The following C1orf21 variants were observed in gnomAD, a reference collection of about 807,000 sequenced individuals.
C1orf21 encodes chromosome 1 open reading frame 21.
C1orf21 carries 3 observed loss-of-function variants against 18.7 expected under a neutral mutation model. That is an observed-to-expected ratio of 0.16 (90% CI 0.07 to 0.42). C1orf21 has a LOEUF of 0.42. Ranked by LOEUF, C1orf21 falls within the 10% of genes least tolerant of loss-of-function variation. The pLI, the probability that C1orf21 is intolerant of heterozygous loss-of-function variation, is 0.99. For missense variants in C1orf21, 104 were observed against 143.6 expected (o/e 0.72, Z 1.41); for synonymous variants, 41 against 46.4 (o/e 0.88, Z 0.47).
At chr1:184,594,132 T>C (rs1659482629) in intron 4 of C1orf21, among the ~76,000 whole-genome samples, 1 of 152,112 alleles carries the variant, frequency 6.6e-6, no homozygotes. Context: ...AAAAAATAAT[T>C]AACAAAATAA....
chr1:184,417,401 G>A (rs1016266931), intron 1 of C1orf21, among the ~76,000 whole-genome samples: 2 of 152,128 alleles, frequency 1.3e-5, no homozygotes, highest in African/African-American at 4.8e-5. Context: ...GAGTAGCTAC[G>A]GAATGCTTGT....
intron 2 of C1orf21, among the ~76,000 whole-genome samples, chr1:184,479,507 C>T (rs1343814599): frequency 2.0e-5 from 3 of 151,990 alleles, no homozygotes; most frequent in South Asian, 2.1e-4. Flanking sequence ...ACGGACTTGT[C>T]CGAGGTTACC....
chr1:184,484,884 CTGTGTGTG>C (rs3034460), intron 2 of C1orf21, among the ~76,000 whole-genome samples: 32,114 of 145,946 alleles, frequency 0.22, 3,546 homozygotes, highest in Admixed American at 0.31. Flanking sequence ...ATGCTTGTGG[CTGTGTGTG>C]TGTGTGTGTG....
chr1:184,425,267 CTT>C (rs34302683), intron 1 of C1orf21, among the ~76,000 whole-genome samples: 1 of 144,336 alleles, frequency 6.9e-6, no homozygotes, highest in Non-Finnish European at 1.5e-5. Context: ...ATCCTGATAT[CTT>C]TTTTTTTTTT....
intron 1 of C1orf21, among the ~76,000 whole-genome samples, chr1:184,458,014 A>G (rs1657247256): frequency 6.6e-6 from 1 of 152,152 alleles, no homozygotes; most frequent in Admixed American, 6.5e-5. Flanking sequence ...TACCCATTTT[A>G]TAAAAGAGGA....
chr1:184,608,441 A>G (rs1659681975), intron 5 of C1orf21, among the ~76,000 whole-genome samples: 1 of 152,218 alleles, frequency 6.6e-6, no homozygotes. Context: ...GCCCTGCTCT[A>G]GGTCACCTGA....
intron 2 of C1orf21, among the ~76,000 whole-genome samples, chr1:184,487,623 C>T (rs929535043): frequency 4.6e-5 from 7 of 152,184 alleles, no homozygotes; most frequent in African/African-American, 1.7e-4. Flanking sequence ...AGGTCAGACT[C>T]AGTTTTTAAA....
chr1:184,453,419 C>T (rs10489722), intron 1 of C1orf21, among the ~76,000 whole-genome samples: 22,431 of 152,012 alleles, frequency 0.15, 1,708 homozygotes, highest in Middle Eastern at 0.2. Context: ...GAAGTACTGA[C>T]GAATATACAA....
chr1:184,516,965 C>T (rs1658239680), intron 3 of C1orf21, among the ~76,000 whole-genome samples: 1 of 152,160 alleles, frequency 6.6e-6, no homozygotes. Flanking sequence ...CCCTGATCCG[C>T]AGAATAAGCT....
intron 1 of C1orf21, among the ~76,000 whole-genome samples, chr1:184,430,067 A>C (rs1419864632): frequency 7.1e-6 from 1 of 140,948 alleles, no homozygotes; most frequent in African/African-American, 2.7e-5. Context: ...AGCCGAGATC[A>C]CCCCACTGCA....
chr1:184,466,819 A>G (rs1284627417), intron 1 of C1orf21, among the ~76,000 whole-genome samples: 2 of 152,188 alleles, frequency 1.3e-5, no homozygotes. Flanking sequence ...TGGACATTAC[A>G]GTCTAGTTGT....
intron 1 of C1orf21, among the ~76,000 whole-genome samples, chr1:184,446,875 C>T (rs1657043178): frequency 7.5e-6 from 1 of 133,674 alleles, no homozygotes; most frequent in Non-Finnish European, 1.5e-5. Context: ...TTTTTGGAGA[C>T]AGGTACTGAT....
At chr1:184,578,440 T>C (rs1659225805) in intron 3 of C1orf21, among the ~76,000 whole-genome samples, 1 of 152,218 alleles carries the variant, frequency 6.6e-6, no homozygotes, top group Non-Finnish European at 1.5e-5. Context: ...TAGGGTTGTA[T>C]GTATGCAGCT....
At chr1:184,485,622 C>T (rs1242465866) in intron 2 of C1orf21, among the ~76,000 whole-genome samples, 1 of 151,740 alleles carries the variant, frequency 6.6e-6, no homozygotes, top group Non-Finnish European at 1.5e-5. Context: ...TAGGTGTGTA[C>T]ACTCAGCCTT....
intron 2 of C1orf21, among the ~76,000 whole-genome samples, chr1:184,495,167 G>A (rs748426668): frequency 6.6e-6 from 1 of 152,086 alleles, no homozygotes; most frequent in African/African-American, 2.4e-5. Context: ...TTCTACTCTC[G>A]CCTCCCTTCC....
chr1:184,395,095 C>T (rs1656030750), intron 1 of C1orf21, among the ~76,000 whole-genome samples: 1 of 152,124 alleles, frequency 6.6e-6, no homozygotes, highest in Admixed American at 6.5e-5. Context: ...AGCCCTTTTT[C>T]TGCTATAAGA....
At chr1:184,518,038 GT>G (rs1169717535) in intron 3 of C1orf21, among the ~76,000 whole-genome samples, 1 of 152,126 alleles carries the variant, frequency 6.6e-6, no homozygotes, top group Non-Finnish European at 1.5e-5. Context: ...GGCATAGAAG[GT>G]ATAAGAGAGA....
chr1:184,627,115 C>T lies in C1orf21; in HGVS notation c.*7559C>T, dbSNP rs1224175245. ...AAATTGTATGCAAGTGGAAAATACC[C>T]ATAGGCCTAGACAGCTGTGGAGGGA... is the stretch of plus-strand genomic sequence containing the variant. On this transcript the variant is annotated 3_prime_UTR_variant, in exon 6 of 6. Coordinates refer to ENST00000235307, the MANE Select transcript of C1orf21 (RefSeq NM_030806.4). 1 of 152,458 alleles carries T rather than the reference C, an allele frequency of 6.6e-6. No homozygotes were observed. Among genetic ancestry groups the T allele is most frequent in the Non-Finnish European group, 1.5e-5 (1 of 68,024 alleles). 9.4% of individuals were successfully genotyped at this position (152,458 alleles called of 1,614,324 possible).
intron 1 of C1orf21, among the ~76,000 whole-genome samples, chr1:184,395,653 T>G (rs540717965): frequency 8.5e-5 from 13 of 152,092 alleles, no homozygotes; most frequent in Non-Finnish European, 4.4e-5. Context: ...GGAGTTGAGA[T>G]AAGAAAGCAC....
Sources: allele counts gnomAD v4.1 joint callset (sites outside exome capture counted in the v4.1 genomes callset), GRCh38; gene constraint gnomAD v4.1.1; transcripts MANE v1.5; gene names NCBI Gene and HGNC (gene_info 2026-07-23, HGNC 2026-07-21).